The following COL6A5 variants were observed in gnomAD, a reference collection of about 807,000 sequenced individuals.
The protein encoded by COL6A5 is collagen type VI alpha 5 chain.
A neutral mutation model predicts 65.6 loss-of-function variants in COL6A5; 48 were observed. The ratio of observed to expected loss-of-function variants is 0.73; its 90% confidence interval spans 0.58 to 0.93. The LOEUF is 0.93. COL6A5 is among the 40% of genes least tolerant of loss of function. COL6A5 has a pLI of 0.00. For missense variants in COL6A5, 914 were observed against 928.3 expected (o/e 0.98, Z 0.20); for synonymous variants, 291 against 322.8 (o/e 0.90, Z 1.05).
chr3:130,415,641 A>G lies in COL6A5; in HGVS notation c.4762-4A>G, dbSNP rs1368787413. The G allele has an allele frequency of 6.5e-7, 1 of 1,547,490 alleles. No individual in the cohort carries two copies. The highest frequency in any genetic ancestry group is 1.4e-5 in the African/African-American group (1 of 72,966). ...GCATTGTATTTCCTTTGTTACCACTAAAGGGGTCACAGGGAAATCCTGGCA... is the reference window on the plus strand; with the variant it reads ...GCATTGTATTTCCTTTGTTACCACTGAAGGGGTCACAGGGAAATCCTGGCA... On this transcript the variant is annotated splice_polypyrimidine_tract_variant and splice_region_variant and intron_variant and NMD_transcript_variant, in intron 22 of 41. Coordinates refer to the COL6A5 transcript ENST00000312481.
Position 130,388,829 on chromosome 3 carries a change from G to GAGA in COL6A5, c.2111_2112insAGA (p.Gly704_Thr705insAsp), listed in dbSNP as rs1936291087. The GAGA allele has an allele frequency of 1.9e-6, 3 of 1,551,206 alleles. No individual in the cohort carries two copies. In the African/African-American group the frequency reaches 4.1e-5, roughly 21 times the overall value. On this transcript the variant is annotated inframe_insertion and NMD_transcript_variant, in exon 6 of 42. Coordinates refer to the COL6A5 transcript ENST00000312481. ...GATAGAATGTCTCTCATCAATGAAG[G>GAGA]CACTTTAACTGGAAAGGCACTAAAT... is the stretch of plus-strand genomic sequence containing the variant.
At chr3:130,425,045 TA>T (rs1325585478) in intron 29 of COL6A5, among the ~76,000 whole-genome samples, 3 of 152,188 alleles carry the variant, frequency 2.0e-5, no homozygotes, top group Non-Finnish European at 4.4e-5. Flanking sequence ...GTGGACTGTC[TA>T]CTCTGTGTAT....
At chr3:130,398,880 T>C (rs992799910) in intron 10 of COL6A5, among the ~76,000 whole-genome samples, 21 of 152,230 alleles carry the variant, frequency 1.4e-4, no homozygotes, top group African/African-American at 4.3e-4. Context: ...TTCCCTTTTC[T>C]GCTCTCTCAA....
At chr3:130,404,609 G>A (rs965791067) in intron 13 of COL6A5, among the ~76,000 whole-genome samples, 3 of 152,152 alleles carry the variant, frequency 2.0e-5, no homozygotes, top group Non-Finnish European at 4.4e-5. Context: ...TTCAGTGTGG[G>A]GAATAGTGTC....
intron 5 of COL6A5, among the ~76,000 whole-genome samples, chr3:130,459,613 T>C (rs1709659049): frequency 6.6e-6 from 1 of 152,114 alleles, no homozygotes; most frequent in Non-Finnish European, 1.5e-5. Flanking sequence ...GGAAATGTTT[T>C]AGAAGAAACC....
chr3:130,404,536 G>A (rs1204204971), intron 13 of COL6A5, among the ~76,000 whole-genome samples: 3 of 152,130 alleles, frequency 2.0e-5, no homozygotes, highest in Non-Finnish European at 4.4e-5. Flanking sequence ...TTTACAAAAT[G>A]ACCACTAAGG....
intron 1 of COL6A5, among the ~76,000 whole-genome samples, chr3:130,353,588 G>T (rs1301612219): frequency 6.6e-6 from 1 of 152,004 alleles, no homozygotes; most frequent in Non-Finnish European, 1.5e-5. Context: ...ATAGAGTTTT[G>T]ATTTAGAGGA....
chr3:130,424,394 CAG>C (rs776790443), intron 29 of COL6A5, among the ~76,000 whole-genome samples: 6 of 152,006 alleles, frequency 3.9e-5, no homozygotes, highest in South Asian at 4.2e-4. Context: ...CGTTCTCAGG[CAG>C]AGTCAGGCAT....
chr3:130,412,443 G>C (rs1292745085), intron 20 of COL6A5, among the ~76,000 whole-genome samples: 2 of 152,128 alleles, frequency 1.3e-5, no homozygotes, highest in Non-Finnish European at 2.9e-5. Context: ...TGCCACACAG[G>C]CTTTAAAGAA....
chr3:130,443,500 C>T lies in COL6A5; in HGVS notation c.1268C>T (p.Pro423Leu), dbSNP rs372980455. 207 of 1,610,636 alleles carry T rather than the reference C, an allele frequency of 1.3e-4. No homozygotes were observed. The highest frequency in any genetic ancestry group is 1.2e-3 in the South Asian group (106 of 90,998). ...GGGGGATTCAATCAGTACCCACCAC[C>T]GATGCTTGAGGATGCCTGTAGACTC... is the stretch of plus-strand genomic sequence containing the variant. Residue 423 changes from proline (P) to leucine (L), a missense_variant, in exon 4 of 8, where the codon CCG (proline) becomes CTG (leucine). Pro to Leu is a moderately conservative substitution (Grantham distance 98). Coordinates refer to ENST00000512836, the Ensembl canonical transcript of COL6A5.
chr3:130,381,418 G>A (rs1935989853), intron 4 of COL6A5, among the ~76,000 whole-genome samples: 1 of 151,958 alleles, frequency 6.6e-6, no homozygotes, highest in South Asian at 2.1e-4. Context: ...TGGATATATA[G>A]GCCAATGTTT....
chr3:130,431,206 A>C (rs1937786071), upstream of COL6A5: 1 of 680,242 alleles, frequency 1.5e-6, no homozygotes, highest in African/African-American at 1.8e-5. Flanking sequence ...ATTTCATTTT[A>C]CACAGCTGAC....
At chr3:130,373,096 C>T (rs1049526632) in intron 1 of COL6A5, among the ~76,000 whole-genome samples, 4 of 152,158 alleles carry the variant, frequency 2.6e-5, no homozygotes, top group Admixed American at 1.3e-4. Flanking sequence ...AAGGAAGAGA[C>T]GTGTAGCTGT....
At chr3:130,440,460 TGAA>T (rs778373489) in exon 3 of COL6A5, 2 of 1,613,634 alleles carry the variant, frequency 1.2e-6, no homozygotes, top group African/African-American at 2.7e-5. Flanking sequence ...CAACTCCTAA[TGAA>T]GAATCACATC....
intron 1 of COL6A5, among the ~76,000 whole-genome samples, chr3:130,372,590 T>A (rs1935609946): frequency 6.6e-6 from 1 of 152,180 alleles, no homozygotes. Flanking sequence ...ATTGTATGAT[T>A]CTGTTTATAC....
At chr3:130,425,208 C>T (rs1294421716) in intron 29 of COL6A5, among the ~76,000 whole-genome samples, 2 of 152,082 alleles carry the variant, frequency 1.3e-5, no homozygotes, top group African/African-American at 4.8e-5. Flanking sequence ...CCAATGGGTA[C>T]GACTGGGGAT....
rs754088234 is a variant in COL6A5, at chr3:130,376,738, G to A, written c.569G>A (p.Arg190Gln). Residue 190 changes from arginine (R) to glutamine (Q), a missense_variant and NMD_transcript_variant, in exon 3 of 42, where the codon CGG (arginine) becomes CAG (glutamine). By Grantham distance (43) the Arg-to-Gln change is conservative. Transcript: ENST00000312481. Reference sequence around the variant, plus strand: ...ACATCCCATTTCCATTTCAACCTTCGGACAATCAGAGACCTCAGCACATTT... The same window carrying A: ...ACATCCCATTTCCATTTCAACCTTCAGACAATCAGAGACCTCAGCACATTT... 2.0e-5 allele frequency: 32 copies of A among 1,613,526 alleles called. No individual in the cohort carries two copies. Among genetic ancestry groups the A allele is most frequent in the East Asian group, 1.3e-4 (6 of 44,862 alleles).
chr3:130,390,914 G>A (rs1559874259), intron 6 of COL6A5, among the ~76,000 whole-genome samples: 1 of 152,206 alleles, frequency 6.6e-6, no homozygotes, highest in African/African-American at 2.4e-5. Context: ...TCAAAATAGA[G>A]TGGTGTGGCA....
At chr3:130,460,860 A>AGTG (rs910678035) in intron 5 of COL6A5, among the ~76,000 whole-genome samples, 3 of 151,306 alleles carry the variant, frequency 2.0e-5, no homozygotes, top group East Asian at 2.0e-4. Flanking sequence ...TAATGATGCC[A>AGTG]GTGGTGGTGG....
Sources: gnomAD v4.1 joint callset for allele counts (sites outside exome capture counted in the v4.1 genomes callset) on GRCh38, gnomAD v4.1.1 for gene constraint, MANE v1.5 for transcripts, NCBI Gene and HGNC (gene_info 2026-07-23, HGNC 2026-07-21) for gene names.